The following LAMC2 variants were observed in gnomAD, a reference collection of about 807,000 sequenced individuals.
The protein encoded by LAMC2 is laminin subunit gamma-2.
A neutral mutation model predicts 140.2 loss-of-function variants in LAMC2; 97 were observed. The observed-to-expected ratio is 0.69, with a 90% CI of 0.59 to 0.82. The LOEUF is 0.82. LAMC2 is among the 40% of genes least tolerant of loss of function. LAMC2 has a pLI of 0.00. For synonymous variants in LAMC2, 513 were observed against 540.2 expected (o/e 0.95, Z 0.70); for missense variants, 1,402 against 1,476.1 (o/e 0.95, Z 0.82).
At position 183,237,232 on chromosome 1, in the gene LAMC2, A is replaced by T. The variant is rs1397268472; in HGVS notation, c.2602-120A>T. On this transcript the variant is annotated intron_variant, in intron 17 of 22. Transcript: ENST00000264144. ...AGGTTTTGGGCCTGGATGGCTAGTG[A>T]CTATTTTCTTGGCTTCTTAAGGCTG... The T allele has an allele frequency of 3.6e-6, 4 of 1,107,692 alleles. No homozygotes were observed. In the East Asian group the frequency reaches 9.7e-5, roughly 27 times the overall value. The allele number at this position is 1,107,692 out of a possible 1,614,324, so 68.6% of individuals were successfully genotyped here. A position where few individuals can be genotyped will look rare whatever the true frequency, so the allele number is the denominator to read the frequency against.
intron 16 of LAMC2, 98 bp downstream of exon 16, chr1:183,235,828 A>C (rs780552842): frequency 5.6e-6 from 7 of 1,251,762 alleles, no homozygotes; most frequent in Non-Finnish European, 8.0e-6. Context: ...AGTTGTAAAA[A>C]ACATATTATT....
intron 22 of LAMC2, 22 bp from the exon 23 acceptor site, chr1:183,243,125 T>G: frequency 1.9e-6 from 3 of 1,613,844 alleles, no homozygotes; most frequent in Non-Finnish European, 2.5e-6. Context: ...TATGTTAACT[T>G]GTGTCTCATT....
At chr1:183,230,053 A>C (rs1428381541) in intron 11 of LAMC2, among the ~76,000 whole-genome samples, 1 of 152,228 alleles carries the variant, frequency 6.6e-6, no homozygotes, top group Non-Finnish European at 1.5e-5. Context: ...AAGAAAGCAC[A>C]CTATAAACAC....
In LAMC2 at chr1:183,227,666, G is replaced by A. The variant is rs1460104915; in HGVS notation, c.1437G>A (p.Val479=). ...SCSVMPETEE[V]VCNNCPPGVT... ...CAGTGATGCCGGAGACGGAGGAGGT[G>A]GTGTGCAATAACTGCCCTCCCGGGG... Residue 479 remains valine (V), a synonymous_variant, in exon 10 of 23, where the codon GTG becomes GTA. Coordinates refer to ENST00000264144, the MANE Select transcript of LAMC2 (RefSeq NM_005562.3). 6.2e-7 allele frequency: 1 copy of A among 1,614,050 alleles called. No individual in the cohort carries two copies. The highest frequency in any genetic ancestry group is 8.5e-7 in the Non-Finnish European group (1 of 1,180,040).
In LAMC2 at chr1:183,208,021, C is replaced by T. The variant is rs771609195; in HGVS notation, c.220C>T (p.Arg74Trp). ...HCEKCKNGFY[R>W]HRERDRCLPC... Reference sequence around the variant, plus strand: ...CGAGAAGTGCAAGAATGGCTTTTACCGGCACAGAGAAAGGGACCGCTGTTT... The same window carrying T: ...CGAGAAGTGCAAGAATGGCTTTTACTGGCACAGAGAAAGGGACCGCTGTTT... The change falls in exon 2 of 23, where the codon CGG becomes TGG. Residue 74 changes from arginine (R) to tryptophan (W), a missense_variant. Arg to Trp is a moderately radical substitution (Grantham distance 101). Around this residue, in one of 3 missense-constraint regions of LAMC2, gnomAD observed 723 missense variants for 783.3 expected, o/e 0.92. Transcript: ENST00000264144. The T allele has an allele frequency of 3.5e-5, 57 of 1,613,894 alleles. No homozygotes were observed. The highest frequency in any genetic ancestry group is 4.6e-5 in the Non-Finnish European group (54 of 1,180,022).
At chr1:183,214,022 A>G (rs1448649317) in intron 2 of LAMC2, among the ~76,000 whole-genome samples, 1 of 149,096 alleles carries the variant, frequency 6.7e-6, no homozygotes, top group Non-Finnish European at 1.5e-5. Context: ...AGGCAACAGG[A>G]GCAAAACTTC....
rs142354752 is a variant in LAMC2 at position 183,222,878 on chromosome 1, G to T, written c.764-257G>T. ...ATTTTTACAAAACAGTCTGTCATAA[G>T]GGCCACATCATGAATCACCTAATAG... On this transcript the variant is annotated intron_variant, in intron 6 of 22. Transcript: ENST00000264144. Among the ~76,000 whole-genome samples, 33 of 152,316 alleles carry T rather than the reference G, an allele frequency of 2.2e-4. 1 individual carries two copies. In the East Asian group the frequency reaches 6.4e-3, roughly 29 times the overall value.
chr1:183,230,999 T>C lies in LAMC2; in HGVS notation c.1753T>C (p.Cys585Arg), dbSNP rs778065445. The change falls in exon 12 of 23, where the codon TGT (cysteine) becomes CGT (arginine). Residue 585 changes from cysteine (C) to arginine (R), a missense_variant. Around this residue, in one of 3 missense-constraint regions of LAMC2, gnomAD observed 723 missense variants for 783.3 expected, o/e 0.92. Transcript: ENST00000264144. ...CCCCATGGGCTCAGAGCCTGTAGGA[T>C]GTCGAAGTGATGGCACCTGTGTTTG... ...CNPMGSEPVG[C>R]RSDGTCVCKP... is the part of the protein sequence containing the mutation. The C allele has an allele frequency of 1.9e-6, 3 of 1,614,196 alleles. No individual in the cohort carries two copies. Among genetic ancestry groups the C allele is most frequent in the Admixed American group, 1.7e-5 (1 of 60,022 alleles).
chr1:183,207,888 T>A lies in LAMC2; in HGVS notation c.87T>A (p.Asp29Glu). 6.2e-7 allele frequency: 1 copy of A among 1,612,040 alleles called. No homozygotes were observed. Among genetic ancestry groups the A allele is most frequent in the South Asian group, 1.1e-5 (1 of 91,032 alleles). The change falls in exon 2 of 23, where the codon GAT becomes GAA. Residue 29 changes from aspartate (D) to glutamate (E), a missense_variant. Physicochemically the swap from Asp to Glu is conservative, Grantham distance 45. Around this residue, in one of 3 missense-constraint regions of LAMC2, gnomAD observed 723 missense variants for 783.3 expected, o/e 0.92. Coordinates refer to ENST00000264144, the MANE Select transcript of LAMC2 (RefSeq NM_005562.3). ...ARATSRREVC[D>E]CNGKSRQCIF... ...TGTATGCTTCCTCCCCAGTCTGTGA[T>A]TGCAATGGGAAGTCCAGGCAGTGTA...
chr1:183,189,840 G>A (rs985271500), intron 1 of LAMC2, among the ~76,000 whole-genome samples: 7 of 152,192 alleles, frequency 4.6e-5, no homozygotes, highest in Non-Finnish European at 7.3e-5. Flanking sequence ...GGATTTAGCC[G>A]TCAGGTGAGT....
chr1:183,200,358 C>T (rs1411732265), intron 1 of LAMC2, among the ~76,000 whole-genome samples: 2 of 151,848 alleles, frequency 1.3e-5, no homozygotes, highest in Admixed American at 1.3e-4. Context: ...CCACTGCACT[C>T]CAGCCTGGGC....
chr1:183,215,554 A>G lies in LAMC2; in HGVS notation c.370A>G (p.Thr124Ala). The G allele has an allele frequency of 6.2e-7, 1 of 1,614,172 alleles. No individual in the cohort carries two copies. Among genetic ancestry groups the G allele is most frequent in the Non-Finnish European group, 8.5e-7 (1 of 1,180,032 alleles). ...ATGTCTGCCAGGCTTCCACATGCTC[A>G]CGGATGCGGGGTGCACCCAAGACCA... ...DRCLPGFHML[T>A]DAGCTQDQRL... The change falls in exon 3 of 23, where the codon ACG (threonine) becomes GCG (alanine). Residue 124 changes from threonine to alanine, a missense_variant. Physicochemically the swap from Thr to Ala is moderately conservative, Grantham distance 58. Coordinates refer to ENST00000264144, the MANE Select transcript of LAMC2 (RefSeq NM_005562.3).
chr1:183,235,784 C>CA (rs1461864580), intron 16 of LAMC2, 54 bp downstream of exon 16: 2 of 1,585,612 alleles, frequency 1.3e-6, no homozygotes, highest in African/African-American at 2.7e-5. Flanking sequence ...ACTCCCAGGG[C>CA]AAAATGCTAA....
intron 20 of LAMC2, chr1:183,239,838 C>A: frequency 1.5e-6 from 1 of 679,412 alleles, no homozygotes; most frequent in Non-Finnish European, 2.6e-6. Context: ...CGCTGACCTT[C>A]CTAGTCATAC....
chr1:183,219,308 G>A (rs1272049398), intron 4 of LAMC2, among the ~76,000 whole-genome samples: 1 of 152,214 alleles, frequency 6.6e-6, no homozygotes, highest in African/African-American at 2.4e-5. Context: ...CTGAGGTGAA[G>A]GCAGGGACAT....
chr1:183,246,243 G>C (rs1343014800), downstream of LAMC2, among the ~76,000 whole-genome samples: 1 of 152,078 alleles, frequency 6.6e-6, no homozygotes, highest in African/African-American at 2.4e-5. Flanking sequence ...GAGAGATGGG[G>C]AGTAGAAAAA....
intron 11 of LAMC2, among the ~76,000 whole-genome samples, chr1:183,229,662 G>C (rs1211863376): frequency 6.7e-6 from 1 of 148,678 alleles, no homozygotes; most frequent in Non-Finnish European, 1.5e-5. Context: ...AAAGTCCAGA[G>C]CCACTCTGGA....
the LAMC2 span, chr1:183,251,884 G>C: frequency 6.1e-6 from 1 of 163,614 alleles, no homozygotes; most frequent in Non-Finnish European, 1.3e-5. Context: ...TGCTGCTACT[G>C]CTATATGTGT....
At chr1:183,250,568 T>C in the LAMC2 span, 1 of 152,628 alleles carries the variant, frequency 6.6e-6, no homozygotes, top group African/African-American at 2.4e-5. Context: ...CAATATGTTC[T>C]TGTCAGGCCC....
Sources: allele counts gnomAD v4.1 joint callset (sites outside exome capture counted in the v4.1 genomes callset), GRCh38; gene constraint gnomAD v4.1.1; regional missense constraint gnomAD v4.1.1; transcripts MANE v1.5; gene names NCBI Gene and HGNC (gene_info 2026-07-23, HGNC 2026-07-21).